Variants in RAB38 observed in about 807,000 individuals in gnomAD.
RAB38 encodes the protein RAB38, member RAS oncogene family.
Under a neutral mutation model 18.4 loss-of-function variants are expected in RAB38, and 15 were observed. That is an observed-to-expected ratio of 0.82 (90% CI 0.55 to 1.26). RAB38 has a LOEUF of 1.26. Among genes scored for constraint, RAB38 ranks in the 50% most tolerant of loss-of-function variants. RAB38 has a pLI of 0.00. For missense variants in RAB38, 294 were observed against 267.4 expected (o/e 1.10, Z -0.69); for synonymous variants, 101 against 104.4 (o/e 0.97, Z 0.20).
At chr11:87,830,592 A>G in the RAB38 span, among the ~76,000 whole-genome samples, 5 of 152,078 alleles carry the variant, frequency 3.3e-5, no homozygotes, top group Non-Finnish European at 7.3e-5. Context: ...ATTTCCCACA[A>G]CAACCCAATG....
At chr11:88,154,991 C>T (rs567363143) in intron 1 of RAB38, among the ~76,000 whole-genome samples, 6 of 152,356 alleles carry the variant, frequency 3.9e-5, no homozygotes, top group South Asian at 4.1e-4. Flanking sequence ...TACATCCAGG[C>T]AGCTCTCTAG....
chr11:87,977,828 T>TAC, the RAB38 span, among the ~76,000 whole-genome samples: 8 of 98,858 alleles, frequency 8.1e-5, no homozygotes, highest in African/African-American at 2.8e-4. Flanking sequence ...TATATGTTCC[T>TAC]ATATAATCAT....
the RAB38 span, among the ~76,000 whole-genome samples, chr11:87,870,229 T>G: frequency 6.6e-6 from 1 of 151,642 alleles, no homozygotes; most frequent in Non-Finnish European, 1.5e-5. Flanking sequence ...AATATTTTTG[T>G]GGGGCTGTTT....
intron 2 of RAB38, among the ~76,000 whole-genome samples, chr11:88,116,593 AAG>A (rs1244521421): frequency 6.6e-6 from 1 of 152,232 alleles, no homozygotes; most frequent in African/African-American, 2.4e-5. Flanking sequence ...GGCTTTTGCT[AAG>A]CTGCATTCCT....
chr11:87,923,640 T>G, the RAB38 span, among the ~76,000 whole-genome samples: 3 of 151,778 alleles, frequency 2.0e-5, no homozygotes, highest in South Asian at 6.2e-4. Flanking sequence ...AAGATGGTGA[T>G]ATTATTCCTC....
the RAB38 span, among the ~76,000 whole-genome samples, chr11:88,097,421 A>G: frequency 6.6e-6 from 1 of 151,898 alleles, no homozygotes; most frequent in Non-Finnish European, 1.5e-5. Context: ...ACAATCTTTG[A>G]TTGTGAGTAA....
At chr11:88,118,275 G>A (rs2134774761) in intron 2 of RAB38, among the ~76,000 whole-genome samples, 1 of 152,288 alleles carries the variant, frequency 6.6e-6, no homozygotes, top group East Asian at 1.9e-4. Flanking sequence ...AACCATATCT[G>A]GTCTTTCTGA....
At chr11:87,974,675 G>A in the RAB38 span, among the ~76,000 whole-genome samples, 2 of 141,658 alleles carry the variant, frequency 1.4e-5, no homozygotes, top group African/African-American at 5.6e-5. Flanking sequence ...AATCATAGTA[G>A]GATTTTTTTT....
chr11:88,054,854 G>A, the RAB38 span, among the ~76,000 whole-genome samples: 1 of 152,176 alleles, frequency 6.6e-6, no homozygotes, highest in African/African-American at 2.4e-5. Context: ...ATCTCCTTAA[G>A]TCTACCATGG....
chr11:87,815,191 A>C, the RAB38 span: 1 of 152,226 alleles, frequency 6.6e-6, no homozygotes, highest in South Asian at 2.1e-4. Context: ...AAGATCCAGA[A>C]AAGGCACTGA....
At chr11:88,101,860 T>C in the RAB38 span, among the ~76,000 whole-genome samples, 2 of 151,710 alleles carry the variant, frequency 1.3e-5, no homozygotes, top group African/African-American at 4.8e-5. Context: ...ATTTATATAC[T>C]ATTAACATAT....
At chr11:87,950,957 C>T in the RAB38 span, among the ~76,000 whole-genome samples, 1 of 152,164 alleles carries the variant, frequency 6.6e-6, no homozygotes, top group Non-Finnish European at 1.5e-5. Context: ...GGGAAGTTCT[C>T]CTGGATAATA....
chr11:88,007,269 C>T, the RAB38 span, among the ~76,000 whole-genome samples: 1 of 151,804 alleles, frequency 6.6e-6, no homozygotes, highest in African/African-American at 2.4e-5. Flanking sequence ...AAAAGCAATA[C>T]ACTTAAGAAT....
At chr11:87,921,039 G>T in the RAB38 span, among the ~76,000 whole-genome samples, 1 of 151,998 alleles carries the variant, frequency 6.6e-6, no homozygotes, top group Non-Finnish European at 1.5e-5. Flanking sequence ...AGGACAGAAG[G>T]CATCACATGG....
At chr11:87,883,051 C>T in the RAB38 span, among the ~76,000 whole-genome samples, 1 of 151,844 alleles carries the variant, frequency 6.6e-6, no homozygotes, top group African/African-American at 2.4e-5. Context: ...TTGTGGTCGA[C>T]AAGGCTTGGT....
chr11:87,886,483 C>T, the RAB38 span, among the ~76,000 whole-genome samples: 1 of 151,842 alleles, frequency 6.6e-6, no homozygotes, highest in East Asian at 2.0e-4. Context: ...TGGAAATCAT[C>T]AAGTGCTGCA....
At chr11:88,073,223 T>C in the RAB38 span, among the ~76,000 whole-genome samples, 2 of 152,252 alleles carry the variant, frequency 1.3e-5, no homozygotes, top group East Asian at 1.9e-4. Flanking sequence ...AGTGGGGACA[T>C]CCATCTGCAG....
At chr11:88,079,110 A>G in the RAB38 span, among the ~76,000 whole-genome samples, 1 of 151,838 alleles carries the variant, frequency 6.6e-6, no homozygotes, top group African/African-American at 2.4e-5. Flanking sequence ...ATTCAATGAA[A>G]TAGTCAACTA....
the RAB38 span, among the ~76,000 whole-genome samples, chr11:88,087,915 C>T: frequency 6.6e-6 from 1 of 151,878 alleles, no homozygotes; most frequent in South Asian, 2.1e-4. Flanking sequence ...CTTATGGTCT[C>T]CTACCTCATC....
Sources: gnomAD v4.1 joint callset for allele counts (sites outside exome capture counted in the v4.1 genomes callset) on GRCh38, gnomAD v4.1.1 for gene constraint, MANE v1.5 for transcripts, NCBI Gene and HGNC (gene_info 2026-07-23, HGNC 2026-07-21) for gene names.